SLC22A2: variants seen among roughly 807,000 people sequenced by gnomAD.
The protein encoded by SLC22A2 is organic cation transporter 2.
Under a neutral mutation model 60.5 loss-of-function variants are expected in SLC22A2, and 46 were observed. The ratio of observed to expected loss-of-function variants is 0.76; its 90% CI spans 0.60 to 0.97. The LOEUF (loss-of-function observed/expected upper bound fraction) is 0.97, where lower values mean the gene tolerates loss of function less well. Ranked by LOEUF, SLC22A2 falls within the 50% of genes least tolerant of loss-of-function variation. The probability of loss-of-function intolerance (pLI) is 0.00; values close to 1 mark genes in which losing one functional copy is unlikely to be tolerated. For missense variants in SLC22A2, 701 were observed against 706.6 expected, an observed-to-expected ratio of 0.99 and a Z score of 0.09; for synonymous variants, 303 against 267.0, an observed-to-expected ratio of 1.13 and a Z score of -1.31.
chr6:160,227,333 C>T (rs1412570619), intron 9 of SLC22A2, among the ~76,000 whole-genome samples: 10 of 152,140 alleles, frequency 6.6e-5, no homozygotes, highest in East Asian at 1.9e-4. Context: ...CTATTGATTC[C>T]GGACCTTCAG....
At chr6:160,218,449 A>G (rs1782577386) in intron 10 of SLC22A2, among the ~76,000 whole-genome samples, 1 of 152,264 alleles carries the variant, frequency 6.6e-6, no homozygotes, top group African/African-American at 2.4e-5. Context: ...CAATAGCAAC[A>G]GTAGAAGCAT....
Position 160,217,053 on chromosome 6 carries a change from A to T in SLC22A2, c.*379T>A, listed in dbSNP as rs749942579. 6.1e-6 allele frequency: 1 copy of T among 163,588 alleles called. No individual in the cohort carries two copies. The highest frequency in any genetic ancestry group is 1.7e-4 in the East Asian group (1 of 6,004). 10.1% of individuals were successfully genotyped at this position (163,588 alleles called of 1,614,324 possible). A position where few individuals can be genotyped will look rare whatever the true frequency, so the allele number is the denominator to read the frequency against. ...TAAGAAAATAGATGCTCCTCTCCCA[A>T]CTTTACTGTTTTTCACACTTTTTTC... On this transcript the variant is annotated 3_prime_UTR_variant, in exon 11 of 11. Transcript: ENST00000366953.
chr6:160,222,722 A>G (rs1201979925), intron 10 of SLC22A2, among the ~76,000 whole-genome samples: 1 of 152,202 alleles, frequency 6.6e-6, no homozygotes, highest in East Asian at 1.9e-4. Context: ...ACAATGTACC[A>G]AAGACAATAG....
chr6:160,217,094 G>A lies in SLC22A2; in HGVS notation c.*338C>T. 5.1e-6 allele frequency: 1 copy of A among 194,966 alleles called. No homozygotes were observed. Among genetic ancestry groups the A allele is most frequent in the Non-Finnish European group, 1.0e-5 (1 of 97,106 alleles). The allele number at this position is 194,966 out of a possible 1,614,324, so 12.1% of individuals were successfully genotyped here. A position where few individuals can be genotyped will look rare whatever the true frequency, so the allele number is the denominator to read the frequency against. On this transcript the variant is annotated 3_prime_UTR_variant, in exon 11 of 11. Transcript: ENST00000366953. ...CACTTTTTTCTATTTTGTTTGCCTA[G>A]CCCACAGTTCCCCTATGTATTCTGG...
chr6:160,239,170 C>T (rs1417950012), intron 9 of SLC22A2, among the ~76,000 whole-genome samples: 1 of 152,298 alleles, frequency 6.6e-6, no homozygotes, highest in Non-Finnish European at 1.5e-5. Context: ...AAGACACTCC[C>T]ACCAGCACCA....
At chr6:160,250,404 G>A (rs1036030465) in intron 3 of SLC22A2, 144 bp downstream of exon 3, 1 of 760,300 alleles carries the variant, frequency 1.3e-6, no homozygotes, top group African/African-American at 1.7e-5. Flanking sequence ...TATGCTTTTA[G>A]GAATTCTTTT....
chr6:160,227,664 G>T (rs1308795692), intron 9 of SLC22A2, among the ~76,000 whole-genome samples: 4 of 152,206 alleles, frequency 2.6e-5, no homozygotes, highest in African/African-American at 9.6e-5. Flanking sequence ...TCCTCGACAT[G>T]TCAGAGGCAT....
intron 5 of SLC22A2, among the ~76,000 whole-genome samples, chr6:160,245,887 A>G (rs1783087267): frequency 8.2e-6 from 1 of 121,322 alleles, no homozygotes; most frequent in Non-Finnish European, 1.6e-5. Context: ...TTTTTCCCCG[A>G]GACAGGGTCT....
chr6:160,251,002 G>A (rs1480700617), intron 2 of SLC22A2, among the ~76,000 whole-genome samples: 1 of 152,094 alleles, frequency 6.6e-6, no homozygotes, highest in Non-Finnish European at 1.5e-5. Context: ...ATTCATCCAG[G>A]CCATCCTGTG....
intron 9 of SLC22A2, among the ~76,000 whole-genome samples, chr6:160,232,791 T>C (rs1163374439): frequency 6.6e-6 from 1 of 151,874 alleles, no homozygotes; most frequent in African/African-American, 2.4e-5. Flanking sequence ...TTCCAACTTC[T>C]ATCCCTCACG....
chr6:160,241,632 A>C (rs752554673), intron 8 of SLC22A2, 46 bp from the exon 9 acceptor site: 1 of 1,206,696 alleles, frequency 8.3e-7, no homozygotes, highest in South Asian at 1.2e-5. Flanking sequence ...ATCACAGTGC[A>C]GTAGTTATCT....
intron 10 of SLC22A2, among the ~76,000 whole-genome samples, chr6:160,223,853 C>T (rs902466029): frequency 6.6e-6 from 1 of 152,108 alleles, no homozygotes; most frequent in Admixed American, 6.6e-5. Context: ...TCAGCCTCCC[C>T]AGTGGCTGGG....
chr6:160,223,801 C>T (rs1204061839), intron 10 of SLC22A2, among the ~76,000 whole-genome samples: 1 of 152,174 alleles, frequency 6.6e-6, no homozygotes, highest in Non-Finnish European at 1.5e-5. Context: ...GATCTCAGCT[C>T]ACTGCAACCT....
intron 9 of SLC22A2, among the ~76,000 whole-genome samples, chr6:160,233,311 C>G (rs1256463668): frequency 6.6e-6 from 1 of 151,850 alleles, no homozygotes; most frequent in African/African-American, 2.4e-5. Context: ...GGCCTTCCCA[C>G]CTCTATACAG....
intron 2 of SLC22A2, 39 bp from the exon 3 acceptor site, chr6:160,250,741 T>A: frequency 6.2e-7 from 1 of 1,601,772 alleles, no homozygotes; most frequent in Non-Finnish European, 8.5e-7. Flanking sequence ...TTGAATTAAT[T>A]TTGATTTGTG....
intron 2 of SLC22A2, among the ~76,000 whole-genome samples, chr6:160,253,298 A>G (rs149843635): frequency 6.6e-6 from 1 of 152,346 alleles, no homozygotes; most frequent in Non-Finnish European, 1.5e-5. Flanking sequence ...TATGCAACCC[A>G]CGTTTAATTA....
chr6:160,236,521 T>G (rs1782914249), intron 9 of SLC22A2, among the ~76,000 whole-genome samples: 1 of 152,232 alleles, frequency 6.6e-6, no homozygotes, highest in African/African-American at 2.4e-5. Flanking sequence ...ACTCTTAACT[T>G]ATGGCAATAT....
At chr6:160,252,506 G>A (rs957535281) in intron 2 of SLC22A2, among the ~76,000 whole-genome samples, 1 of 152,168 alleles carries the variant, frequency 6.6e-6, no homozygotes, top group Non-Finnish European at 1.5e-5. Flanking sequence ...GGGGAATCTG[G>A]GATAGAGGTC....
At chr6:160,252,446 G>T (rs1238670361) in intron 2 of SLC22A2, among the ~76,000 whole-genome samples, 1 of 152,208 alleles carries the variant, frequency 6.6e-6, no homozygotes, top group Non-Finnish European at 1.5e-5. Context: ...GTTCCACATA[G>T]GGAAGCAATG....
Sources: allele counts gnomAD v4.1 joint callset (sites outside exome capture counted in the v4.1 genomes callset), GRCh38; gene constraint gnomAD v4.1.1; transcripts MANE v1.5; gene names NCBI Gene and HGNC (gene_info 2026-07-23, HGNC 2026-07-21).